The following HMCN2 variants were observed in gnomAD, a reference collection of about 807,000 sequenced individuals.
HMCN2 encodes the protein hemicentin 2.
In HMCN2, 325 loss-of-function variants were observed where a neutral mutation model predicts 377.5. The ratio of observed to expected loss-of-function variants is 0.86; its 90% CI spans 0.79 to 0.94. HMCN2 has a LOEUF of 0.94. HMCN2 is among the 40% of genes least tolerant of loss of function. The probability of loss-of-function intolerance (pLI) is 0.00; values close to 1 mark genes in which losing one functional copy is unlikely to be tolerated. For missense variants in HMCN2, 4,543 were observed against 4,725.3 expected, an observed-to-expected ratio of 0.96 and a Z score of 1.13; for synonymous variants, 2,007 against 2,046.8, an observed-to-expected ratio of 0.98 and a Z score of 0.53.
At position 130,374,498 on chromosome 9, in the gene HMCN2, A is replaced by G. The variant is rs1344686150; in HGVS notation, c.7439-4A>G. On this transcript the variant is annotated splice_region_variant and splice_polypyrimidine_tract_variant and intron_variant, in intron 48 of 97. Transcript: ENST00000683500. ...AATTGTCTCATTCTCTGCTCTGCAT[A>G]CAGGCCACCCACAGCCCAAGCTCAC... 1.0e-6 allele frequency: 1 copy of G among 985,836 alleles called. No individual in the cohort carries two copies. Among genetic ancestry groups the G allele is most frequent in the Non-Finnish European group, 1.2e-6 (1 of 829,976 alleles). The allele number at this position is 985,836 out of a possible 1,614,324, so 61.1% of individuals were successfully genotyped here. A position where few individuals can be genotyped will look rare whatever the true frequency, so the allele number is the denominator to read the frequency against.
chr9:130,408,753 C>T lies in HMCN2; in HGVS notation c.12699C>T (p.Val4233=). Residue 4233 remains valine, a synonymous_variant, in exon 84 of 98, where the codon GTC becomes GTT. Transcript: ENST00000683500. ...TGTCACCCCATGCAGAGGCTCCTGT[C>T]CTACAAGGGGAGGCTTTCTCCTACC... ...VSFVHVKEAP[V]LQGEAFSYLV... is the part of the protein sequence containing the mutation. 1 of 1,289,002 alleles carries T rather than the reference C, an allele frequency of 7.8e-7. No homozygotes were observed. The highest frequency in any genetic ancestry group is 1.5e-5 in the African/African-American group (1 of 65,956). The allele number at this position is 1,289,002 out of a possible 1,614,324, so 79.8% of individuals were successfully genotyped here.
In HMCN2 at chr9:130,396,075, G is replaced by GCCCCCCCCCCCCCCCCCCC; in HGVS notation, c.11053+13_11053+14insCCCCCCCCCCCCCCCCCCC. The GCCCCCCCCCCCCCCCCCCC allele has an allele frequency of 8.0e-7, 1 of 1,243,748 alleles. No homozygotes were observed. The highest frequency in any genetic ancestry group is 1.3e-5 in the South Asian group (1 of 77,316). The allele number at this position is 1,243,748 out of a possible 1,614,324, so 77.0% of individuals were successfully genotyped here. A position where few individuals can be genotyped will look rare whatever the true frequency, so the allele number is the denominator to read the frequency against. On this transcript the variant is annotated intron_variant, in intron 72 of 97. Coordinates refer to ENST00000683500, the MANE Select transcript of HMCN2 (RefSeq NM_001291815.2). ...CGCGTGGAGATCCACAGTGAGTAGG[G>GCCCCCCCCCCCCCCCCCCC]CCCGCCCCACCCCACCCTGCCCACC...
Position 130,355,866 on chromosome 9 carries a change from G to C in HMCN2, c.5255+12G>C. On this transcript the variant is annotated intron_variant, in intron 33 of 97. Transcript: ENST00000683500. ...GTACCCACTATCCAGTGAGTCTGGG[G>C]TGGTGGAGGCCAGGGCTGGGGGTAG... The C allele has an allele frequency of 7.8e-7, 1 of 1,282,198 alleles. No individual in the cohort carries two copies. Among genetic ancestry groups the C allele is most frequent in the Non-Finnish European group, 1.0e-6 (1 of 969,544 alleles). The allele number at this position is 1,282,198 out of a possible 1,614,324, so 79.4% of individuals were successfully genotyped here.
chr9:130,281,484 GC>G (rs1209430561), intron 1 of HMCN2, among the ~76,000 whole-genome samples: 1 of 151,958 alleles, frequency 6.6e-6, no homozygotes, highest in Non-Finnish European at 1.5e-5. Flanking sequence ...TGTAATCCCA[GC>G]TACTTGGAAG....
At chr9:130,335,308 G>A (rs1238149185) in intron 22 of HMCN2, among the ~76,000 whole-genome samples, 1 of 152,176 alleles carries the variant, frequency 6.6e-6, no homozygotes, top group African/African-American at 2.4e-5. Flanking sequence ...CCGTTGATTG[G>A]TGGGTGTCGA....
At chr9:130,344,375 G>A (rs1312710427) in intron 25 of HMCN2, among the ~76,000 whole-genome samples, 1 of 151,514 alleles carries the variant, frequency 6.6e-6, no homozygotes, top group Non-Finnish European at 1.5e-5. Flanking sequence ...GTGTGTGTGT[G>A]GTGTTTGGCA....
chr9:130,400,815 T>A lies in HMCN2; in HGVS notation c.11638T>A (p.Phe3880Ile). 7.8e-7 allele frequency: 1 copy of A among 1,289,000 alleles called. No homozygotes were observed. Among genetic ancestry groups the A allele is most frequent in the Non-Finnish European group, 1.0e-6 (1 of 988,530 alleles). The allele number at this position is 1,289,000 out of a possible 1,614,324, so 79.8% of individuals were successfully genotyped here. A position where few individuals can be genotyped will look rare whatever the true frequency, so the allele number is the denominator to read the frequency against. ...PPTIADDQTD[F>I]TVTMMAPVVL... Reference sequence around the variant, plus strand: ...CACCATTGCCGATGACCAGACAGACTTCACCGTGACCATGATGGCACCTGT... The same window carrying A: ...CACCATTGCCGATGACCAGACAGACATCACCGTGACCATGATGGCACCTGT... Residue 3880 changes from phenylalanine (F) to isoleucine (I), a missense_variant, in exon 77 of 98, where the codon TTC becomes ATC. This residue lies in a region of HMCN2 where 1,073 missense variants were observed against 1,319.5 expected (regional missense o/e 0.81). Coordinates refer to ENST00000683500, the MANE Select transcript of HMCN2 (RefSeq NM_001291815.2).
chr9:130,388,827 G>A (rs1361349417), intron 62 of HMCN2, among the ~76,000 whole-genome samples: 5 of 152,198 alleles, frequency 3.3e-5, no homozygotes, highest in Admixed American at 2.0e-4. Context: ...TCTCCATTGC[G>A]CAGGGCAGGT....
Position 130,285,193 on chromosome 9 carries a change from CA to C in HMCN2, c.367del (p.Ile123LeufsTer46). 1 of 471,144 alleles carries C rather than the reference CA, an allele frequency of 2.1e-6. No individual in the cohort carries two copies. Among genetic ancestry groups the C allele is most frequent in the Non-Finnish European group, 4.4e-6 (1 of 227,056 alleles). The allele number at this position is 471,144 out of a possible 1,614,324, so 29.2% of individuals were successfully genotyped here. On this transcript the variant is annotated frameshift_variant, in exon 3 of 98. Transcript: ENST00000683500. LOFTEE classifies it high-confidence loss of function. The part of the protein sequence containing the change: ...GDCPEMSVGA[I>X]KAAVEVANPG... ...ACTGCCCGGAGATGAGTGTGGGGGC[CA>C]TTAAGGCTGCCGTGGAGGTTGCCAA...
Position 130,428,085 on chromosome 9 carries a change from G to A in HMCN2, c.14066-273G>A, listed in dbSNP as rs887675427. ...GAGGGCCTGGTGCTGCCAAGTCTCC[G>A]CTGGGCTCCAAGCCGGGTGCCCAAG... On this transcript the variant is annotated intron_variant, in intron 92 of 97. Transcript: ENST00000683500. This position sits in a 1 kb window ranked among gnomAD's most constrained non-coding sequence, Gnocchi z 5.0. Among the ~76,000 whole-genome samples, 4 of 152,184 alleles carry A rather than the reference G, an allele frequency of 2.6e-5. No homozygotes were observed. The highest frequency in any genetic ancestry group is 6.5e-5 in the Admixed American group (1 of 15,280).
intron 54 of HMCN2, among the ~76,000 whole-genome samples, 178 bp from the exon 55 acceptor site, chr9:130,382,006 C>T (rs1165179763): frequency 6.6e-6 from 1 of 152,084 alleles, no homozygotes; most frequent in African/African-American, 2.4e-5. Flanking sequence ...GGTGGCTGTA[C>T]CCTGACTTGA....
At chr9:130,420,056 G>A (rs1843908934) in intron 86 of HMCN2, among the ~76,000 whole-genome samples, 4 of 143,218 alleles carry the variant, frequency 2.8e-5, no homozygotes, top group Admixed American at 1.4e-4. Context: ...TCAGGGCTTC[G>A]TCCCACTTCT....
intron 61 of HMCN2, among the ~76,000 whole-genome samples, chr9:130,388,079 G>A (rs1842111588): frequency 6.6e-6 from 1 of 152,144 alleles, no homozygotes; most frequent in Non-Finnish European, 1.5e-5. Context: ...CTGTTCCGCT[G>A]GTGGTGTCTG....
Position 130,427,601 on chromosome 9 carries a change from G to C in HMCN2, c.14047G>C (p.Asp4683His), listed in dbSNP as rs1288350465. The C allele has an allele frequency of 3.9e-6, 6 of 1,550,360 alleles. No individual in the cohort carries two copies. The highest frequency in any genetic ancestry group is 5.2e-6 in the Non-Finnish European group (6 of 1,146,954). ...CCCCACTGGCTTCGCCCTGGCCTGG[G>C]ATGACAGGAACTGCAGAGGTGAGGG... ...TCPTGFALAW[D>H]DRNCRDVDEC... The change falls in exon 92 of 98, where the codon GAT (aspartate) becomes CAT (histidine). Residue 4683 changes from aspartate to histidine, a missense_variant. This residue lies in a region of HMCN2 where 1,155 missense variants were observed against 1,157.7 expected (regional missense o/e 1.00). Coordinates refer to ENST00000683500, the MANE Select transcript of HMCN2 (RefSeq NM_001291815.2).
Position 130,382,851 on chromosome 9 carries a change from C to T in HMCN2, c.8718C>T (p.Asp2906=), listed in dbSNP as rs770407451. 1,796 of 985,734 alleles carry T rather than the reference C, an allele frequency of 1.8e-3. 5 individuals carry two copies. Among genetic ancestry groups the T allele is most frequent in the Non-Finnish European group, 2.1e-3 (1,713 of 829,924 alleles). The allele number at this position is 985,734 out of a possible 1,614,324, so 61.1% of individuals were successfully genotyped here. A position where few individuals can be genotyped will look rare whatever the true frequency, so the allele number is the denominator to read the frequency against. ...GCCCACGGCTGCAGGTCCTGGAGGA[C>T]GGGCAAGTCTTGCAGGTCAGGGCAG... is the stretch of plus-strand genomic sequence containing the variant. ...SPSPRLQVLE[D]GQVLQVSTAE... is the part of the protein sequence containing the mutation. The change falls in exon 56 of 98, where the codon GAC becomes GAT. Residue 2906 remains aspartate, a synonymous_variant. Transcript: ENST00000683500.
intron 46 of HMCN2, 141 bp downstream of exon 46, chr9:130,371,272 A>T (rs1395075390): frequency 6.0e-6 from 2 of 332,234 alleles, no homozygotes; most frequent in African/African-American, 4.5e-5. Flanking sequence ...GTCCCCAAAG[A>T]ATGCAGCCCA....
intron 1 of HMCN2, among the ~76,000 whole-genome samples, chr9:130,266,549 A>G (rs781882490): frequency 1.3e-5 from 2 of 152,198 alleles, no homozygotes; most frequent in Non-Finnish European, 2.9e-5. Flanking sequence ...CCTTTGGCCA[A>G]TTCTTAGAAT....
Position 130,359,353 on chromosome 9 carries a change from G to A in HMCN2, c.5712G>A (p.Lys1904=). 7.7e-7 allele frequency: 1 copy of A among 1,304,136 alleles called. No homozygotes were observed. The highest frequency in any genetic ancestry group is 1.0e-6 in the Non-Finnish European group (1 of 988,738). The allele number at this position is 1,304,136 out of a possible 1,614,324, so 80.8% of individuals were successfully genotyped here. A position where few individuals can be genotyped will look rare whatever the true frequency, so the allele number is the denominator to read the frequency against. Residue 1904 remains lysine, a synonymous_variant, in exon 37 of 98, where the codon AAG becomes AAA. Coordinates refer to ENST00000683500, the MANE Select transcript of HMCN2 (RefSeq NM_001291815.2). ...PPNIEPGPVN[K]AVLENASVTL... ...ACATCGAGCCAGGCCCAGTCAACAA[G>A]GCAGTGCTGGAAAATGCCTCAGTGA...
chr9:130,334,720 TCTTCTC>T (rs1838628380), intron 22 of HMCN2, among the ~76,000 whole-genome samples: 2 of 129,346 alleles, frequency 1.5e-5, no homozygotes, highest in African/African-American at 5.1e-5. Flanking sequence ...TCTCTCTCTC[TCTTCTC>T]TCTTTCTCTC....
Sources: gnomAD v4.1 joint callset for allele counts (sites outside exome capture counted in the v4.1 genomes callset) on GRCh38, gnomAD v4.1.1 for gene constraint, gnomAD v4.1.1 regional missense constraint, Gnocchi (gnomAD v3.1) non-coding constraint, MANE v1.5 for transcripts, NCBI Gene and HGNC (gene_info 2026-07-23, HGNC 2026-07-21) for gene names.